The following CELF2 variants were observed in gnomAD, a reference collection of about 807,000 sequenced individuals.
CELF2 encodes CUG triplet repeat RNA-binding protein 2.
In CELF2, 8 loss-of-function variants were observed where a neutral mutation model predicts 62.6. The ratio of observed to expected loss-of-function variants is 0.13; its 90% CI spans 0.07 to 0.23. CELF2 has a LOEUF of 0.23. CELF2 is among the 10% of genes least tolerant of loss of function. CELF2 has a pLI of 1.00. For synonymous variants in CELF2, 258 were observed against 250.0 expected (o/e 1.03, Z -0.30); for missense variants, 333 against 671.0 (o/e 0.50, Z 5.56).
At chr10:11,188,601 T>C (rs921102599) in intron 2 of CELF2, among the ~76,000 whole-genome samples, 2 of 152,202 alleles carry the variant, frequency 1.3e-5, no homozygotes, top group Non-Finnish European at 2.9e-5. Context: ...TTGATTATGA[T>C]GTGCCTTGGT....
chr10:10,611,531 A>G, the CELF2 span, among the ~76,000 whole-genome samples: 6 of 152,308 alleles, frequency 3.9e-5, no homozygotes, highest in Non-Finnish European at 7.4e-5. Flanking sequence ...AATATGCCAT[A>G]TTTGTAACAA....
At chr10:10,734,686 A>G in the CELF2 span, among the ~76,000 whole-genome samples, 4 of 152,244 alleles carry the variant, frequency 2.6e-5, no homozygotes, top group Non-Finnish European at 4.4e-5. Flanking sequence ...AGGGAAGGAA[A>G]TAGGAGTGGA....
At chr10:10,832,243 G>C (rs922237887) in intron 1 of CELF2, among the ~76,000 whole-genome samples, 1 of 150,814 alleles carries the variant, frequency 6.6e-6, no homozygotes, top group Non-Finnish European at 1.5e-5. Flanking sequence ...ACTCCAGCCT[G>C]GGCAACAGAG....
the CELF2 span, among the ~76,000 whole-genome samples, chr10:10,757,223 C>T: frequency 3.9e-5 from 6 of 152,036 alleles, no homozygotes; most frequent in African/African-American, 7.2e-5. Flanking sequence ...TTTGGGAGGT[C>T]GAGGTAGGAA....
chr10:10,587,061 A>T, the CELF2 span, among the ~76,000 whole-genome samples: 9 of 152,280 alleles, frequency 5.9e-5, no homozygotes, highest in African/African-American at 2.2e-4. Flanking sequence ...TTTAGAAATG[A>T]TCAAAACTGA....
At chr10:11,060,098 A>T (rs1027639128) in intron 1 of CELF2, among the ~76,000 whole-genome samples, 1 of 152,220 alleles carries the variant, frequency 6.6e-6, no homozygotes, top group Non-Finnish European at 1.5e-5. Context: ...TTCCTTGTGA[A>T]TGGAGATTAC....
the CELF2 span, among the ~76,000 whole-genome samples, chr10:10,734,304 C>T: frequency 6.6e-6 from 1 of 152,142 alleles, no homozygotes; most frequent in Non-Finnish European, 1.5e-5. Context: ...TTTGGGAAAA[C>T]CTTTGCAAGT....
At chr10:10,651,765 T>TG in the CELF2 span, among the ~76,000 whole-genome samples, 5 of 151,110 alleles carry the variant, frequency 3.3e-5, no homozygotes, top group Admixed American at 6.6e-5. Flanking sequence ...ACCACAAAGA[T>TG]GGGGAAAAAA....
At chr10:10,873,980 A>G (rs958544642) in intron 1 of CELF2, among the ~76,000 whole-genome samples, 4 of 152,120 alleles carry the variant, frequency 2.6e-5, no homozygotes, top group African/African-American at 9.7e-5. Context: ...TTTGCCCTAT[A>G]TCTAGTTGAT....
At chr10:10,464,825 T>C in the CELF2 span, among the ~76,000 whole-genome samples, 4 of 152,264 alleles carry the variant, frequency 2.6e-5, no homozygotes, top group Admixed American at 6.5e-5. Flanking sequence ...ACTGAAATTA[T>C]GTTAGTTAGA....
intron 1 of CELF2, among the ~76,000 whole-genome samples, chr10:11,161,151 AAAGT>A (rs1213666229): frequency 6.6e-6 from 1 of 152,228 alleles, no homozygotes; most frequent in Non-Finnish European, 1.5e-5. Flanking sequence ...TTAAAACTAA[AAAGT>A]AAGCACTCAT....
chr10:10,587,073 GC>G, the CELF2 span, among the ~76,000 whole-genome samples: 1 of 152,064 alleles, frequency 6.6e-6, no homozygotes, highest in South Asian at 2.1e-4. Flanking sequence ...CAAAACTGAG[GC>G]CCAGAGAGGG....
At chr10:10,899,850 A>G (rs1054621556) in intron 1 of CELF2, among the ~76,000 whole-genome samples, 14 of 152,136 alleles carry the variant, frequency 9.2e-5, no homozygotes, top group African/African-American at 3.4e-4. Context: ...GAACAGCACT[A>G]AAGGGAAATC....
intron 4 of CELF2, among the ~76,000 whole-genome samples, chr10:11,256,023 T>A (rs918629696): frequency 1.3e-5 from 2 of 152,206 alleles, no homozygotes; most frequent in African/African-American, 4.8e-5. Context: ...CCTCCCCCGC[T>A]GGACCTTGGG....
the CELF2 span, among the ~76,000 whole-genome samples, chr10:10,632,153 C>T: frequency 6.6e-6 from 1 of 152,140 alleles, no homozygotes; most frequent in African/African-American, 2.4e-5. Flanking sequence ...AGTCTCATCA[C>T]TAAAACTAGA....
chr10:11,151,837 A>G (rs2063394814), intron 1 of CELF2, among the ~76,000 whole-genome samples: 1 of 152,166 alleles, frequency 6.6e-6, no homozygotes, highest in African/African-American at 2.4e-5. Flanking sequence ...GGTTTAAACC[A>G]TTTCTTCTTT....
chr10:10,731,728 T>A, the CELF2 span, among the ~76,000 whole-genome samples: 1 of 152,194 alleles, frequency 6.6e-6, no homozygotes, highest in Non-Finnish European at 1.5e-5. Context: ...TTAGTATCCA[T>A]ACAACCTTCA....
At chr10:10,594,481 G>A in the CELF2 span, among the ~76,000 whole-genome samples, 1 of 152,206 alleles carries the variant, frequency 6.6e-6, no homozygotes, top group Non-Finnish European at 1.5e-5. Context: ...ATTAGAAGGG[G>A]CTAAGCTCAG....
chr10:10,588,924 T>C, the CELF2 span, among the ~76,000 whole-genome samples: 2 of 152,200 alleles, frequency 1.3e-5, no homozygotes, highest in African/African-American at 4.8e-5. Context: ...CACATCAACT[T>C]ACCCGGTCCT....
Sources: allele counts gnomAD v4.1 joint callset (sites outside exome capture counted in the v4.1 genomes callset), GRCh38; gene constraint gnomAD v4.1.1; transcripts MANE v1.5; gene names NCBI Gene and HGNC (gene_info 2026-07-23, HGNC 2026-07-21).